The following EPHA5 variants were observed in gnomAD, a reference collection of about 807,000 sequenced individuals.
EPHA5 encodes the protein EPH receptor A5.
In EPHA5, 60 loss-of-function variants were observed where a neutral mutation model predicts 105.0. That is an observed-to-expected ratio of 0.57 (90% CI 0.46 to 0.71). EPHA5 has a LOEUF of 0.71. Ranked by LOEUF, EPHA5 falls within the 30% of genes least tolerant of loss-of-function variation. The pLI, the probability that EPHA5 is intolerant of heterozygous loss-of-function variation, is 0.00. For missense variants in EPHA5, 1,218 were observed against 1,274.7 expected (o/e 0.96, Z 0.68); for synonymous variants, 513 against 449.1 (o/e 1.14, Z -1.80).
intron 3 of EPHA5, among the ~76,000 whole-genome samples, chr4:65,567,100 T>A (rs1739621984): frequency 6.6e-6 from 1 of 151,688 alleles, no homozygotes. Context: ...ATTTCTGAAG[T>A]GCTGTAAAAG....
chr4:65,646,343 T>C (rs1439498381), intron 1 of EPHA5, among the ~76,000 whole-genome samples: 2 of 152,222 alleles, frequency 1.3e-5, no homozygotes, highest in African/African-American at 2.4e-5. Flanking sequence ...GTTTATCTTA[T>C]GAATGAATAA....
chr4:65,367,073 A>T (rs982585078), intron 9 of EPHA5, among the ~76,000 whole-genome samples: 2 of 151,866 alleles, frequency 1.3e-5, no homozygotes, highest in South Asian at 2.1e-4. Context: ...AGGAAATTTT[A>T]TTTGAAATAT....
rs554843894 is a variant in EPHA5, at chr4:65,652,499, G to A, written c.182-9072C>T. Among the ~76,000 whole-genome samples, 4 of 152,128 alleles carry A rather than the reference G, an allele frequency of 2.6e-5. No homozygotes were observed. The East Asian group carries it at 5.8e-4, about 22-fold the overall frequency. Reference sequence around the variant, plus strand: ...AAATGGAAGTTGAAAAACACTAATAGGGCAAGAGCCCAAGGTCCCAGAGCT... The same window carrying A: ...AAATGGAAGTTGAAAAACACTAATAAGGCAAGAGCCCAAGGTCCCAGAGCT... On this transcript the variant is annotated intron_variant, in intron 1 of 16. Coordinates refer to ENST00000613740, the MANE Select transcript of EPHA5 (RefSeq NM_001281766.3).
intron 2 of EPHA5, among the ~76,000 whole-genome samples, chr4:65,620,009 T>TAGTGTTTAGTAGTGTGATA (rs1745572303): frequency 6.6e-6 from 1 of 150,418 alleles, no homozygotes; most frequent in Non-Finnish European, 1.5e-5. Context: ...ACTAGTTTAA[T>TAGTGTTTAGTAGTGTGATA]CATCAATAGT....
chr4:65,416,225 A>T (rs752306183), intron 6 of EPHA5, among the ~76,000 whole-genome samples: 13 of 152,210 alleles, frequency 8.5e-5, no homozygotes, highest in Non-Finnish European at 1.9e-4. Context: ...TAACATTTAT[A>T]ATATAAACAA....
chr4:65,569,559 T>C (rs1420542627), intron 3 of EPHA5, among the ~76,000 whole-genome samples: 1 of 151,680 alleles, frequency 6.6e-6, no homozygotes, highest in Admixed American at 6.6e-5. Context: ...ACCAGATAAA[T>C]TAAAAGACAT....
intron 16 of EPHA5, chr4:65,330,517 TA>T (rs1340104720): frequency 2.7e-6 from 1 of 369,754 alleles, no homozygotes; most frequent in Non-Finnish European, 3.8e-6. Flanking sequence ...GATGTAACTA[TA>T]TACAGAAAAT....
Position 65,670,032 on chromosome 4 carries a change from T to C in EPHA5, c.-290A>G, listed in dbSNP as rs1750327811. On this transcript the variant is annotated 5_prime_UTR_variant, in exon 1 of 17. Transcript: ENST00000613740. ...AGGGTGTCGAGAGGGTCCTGGGTCC[T>C]GTTCCTTTGCCTTTCAAAAAGACTT... The C allele has an allele frequency of 2.6e-6, 1 of 391,006 alleles. No homozygotes were observed. Among genetic ancestry groups the C allele is most frequent in the Non-Finnish European group, 4.4e-6 (1 of 224,956 alleles). 24.2% of individuals were successfully genotyped at this position (391,006 alleles called of 1,614,324 possible). A position where few individuals can be genotyped will look rare whatever the true frequency, so the allele number is the denominator to read the frequency against.
At chr4:65,443,321 A>G (rs575174776) in intron 5 of EPHA5, among the ~76,000 whole-genome samples, 2 of 151,906 alleles carry the variant, frequency 1.3e-5, no homozygotes, top group East Asian at 3.9e-4. Flanking sequence ...GCTGCACAAA[A>G]CCGGTAATTG....
chr4:65,638,595 C>T (rs1320675930), intron 2 of EPHA5, among the ~76,000 whole-genome samples: 11 of 151,996 alleles, frequency 7.2e-5, no homozygotes, highest in African/African-American at 2.7e-4. Flanking sequence ...CAAAATTAGC[C>T]GGGTGTGGTG....
chr4:65,349,590 G>T (rs866998524), intron 13 of EPHA5, among the ~76,000 whole-genome samples: 8 of 152,128 alleles, frequency 5.3e-5, no homozygotes, highest in Admixed American at 3.3e-4. Flanking sequence ...GAAAAAATAG[G>T]ACTTAAATTG....
At chr4:65,343,473 T>C (rs1560431410) in intron 14 of EPHA5, among the ~76,000 whole-genome samples, 1 of 152,190 alleles carries the variant, frequency 6.6e-6, no homozygotes, top group Non-Finnish European at 1.5e-5. Context: ...AACATTTTCA[T>C]GGTGGCAAAG....
intron 14 of EPHA5, among the ~76,000 whole-genome samples, chr4:65,341,104 A>G (rs1721673757): frequency 6.6e-6 from 1 of 151,924 alleles, no homozygotes; most frequent in Non-Finnish European, 1.5e-5. Context: ...ATATCTAATT[A>G]TTTCCTGTTG....
At chr4:65,367,209 A>C in intron 9 of EPHA5, 148 bp downstream of exon 9, 1 of 633,014 alleles carries the variant, frequency 1.6e-6, no homozygotes, top group Non-Finnish European at 2.6e-6. Context: ...CGTATTCTTT[A>C]CAGGAATGTA....
At chr4:65,530,346 ATAAACT>A (rs1329455971) in intron 3 of EPHA5, among the ~76,000 whole-genome samples, 6 of 152,132 alleles carry the variant, frequency 3.9e-5, no homozygotes, top group South Asian at 2.1e-4. Context: ...AATAAGACAA[ATAAACT>A]TAAAATCCAA....
At chr4:65,591,343 T>C (rs960298912) in intron 3 of EPHA5, among the ~76,000 whole-genome samples, 10 of 152,112 alleles carry the variant, frequency 6.6e-5, no homozygotes, top group African/African-American at 2.4e-4. Context: ...ATTCATGCCT[T>C]TTTTTCTTTA....
Position 65,443,824 on chromosome 4 carries a change from C to T in EPHA5, c.1403-23259G>A, listed in dbSNP as rs538199637. Among the ~76,000 whole-genome samples the T allele has an allele frequency of 2.0e-5, 3 of 152,150 alleles. No homozygotes were observed. The South Asian group carries it at 6.2e-4, about 32-fold the overall frequency. On this transcript the variant is annotated intron_variant, in intron 5 of 16. Transcript: ENST00000613740. ...AGAAACATGTTTGCTGGGTCTCAAC[C>T]CTAGCAATAGCAGAGTAGCCTATAG...
intron 16 of EPHA5, chr4:65,330,904 C>A (rs7688941): frequency 0.34 from 355,528 of 1,036,742 alleles, 63,048 homozygotes; most frequent in East Asian, 0.44. Context: ...TTTTAGTTAT[C>A]GGTATGAAGG....
rs1722392792 is a variant in EPHA5, at chr4:65,348,080, GTC to G, written c.2567_2568del (p.Arg856ThrfsTer12). The G allele has an allele frequency of 6.2e-7, 1 of 1,608,726 alleles. No homozygotes were observed. The highest frequency in any genetic ancestry group is 1.3e-5 in the African/African-American group (1 of 74,554). ...VMWEVVSYGE[R>X]PYWEMTNQDV... ...TCTTGATTGGTCATCTCCCAGTAGG[GTC>G]TCTCTCCATAAGACACAACTTCCCA... On this transcript the variant is annotated frameshift_variant, in exon 14 of 17. Transcript: ENST00000613740. LOFTEE classifies it high-confidence loss of function.
Sources: allele counts gnomAD v4.1 joint callset (sites outside exome capture counted in the v4.1 genomes callset), GRCh38; gene constraint gnomAD v4.1.1; transcripts MANE v1.5; gene names NCBI Gene and HGNC (gene_info 2026-07-23, HGNC 2026-07-21).